Variants in AFG1L observed in about 807,000 individuals in gnomAD.
AFG1L encodes the protein AFG1 like ATPase.
A neutral mutation model predicts 62.2 loss-of-function variants in AFG1L; 53 were observed. The observed-to-expected ratio is 0.85, with a 90% CI of 0.68 to 1.07. The LOEUF (loss-of-function observed/expected upper bound fraction) is 1.07, where lower values mean the gene tolerates loss of function less well. Ranked by LOEUF, AFG1L falls within the 50% of genes least tolerant of loss-of-function variation. The probability of loss-of-function intolerance (pLI) is 0.00; values close to 1 mark genes in which losing one functional copy is unlikely to be tolerated. For synonymous variants in AFG1L, 228 were observed against 210.3 expected, an observed-to-expected ratio of 1.08 and a Z score of -0.73; for missense variants, 555 against 590.5, an observed-to-expected ratio of 0.94 and a Z score of 0.62.
At chr6:108,510,456 C>CA in intron 11 of AFG1L, 104 bp downstream of exon 11, 1 of 771,402 alleles carries the variant, frequency 1.3e-6, no homozygotes. Context: ...ACTTACTGCA[C>CA]CTCTTTGTGC....
intron 8 of AFG1L, among the ~76,000 whole-genome samples, chr6:108,455,120 G>A (rs1414510372): frequency 6.6e-6 from 1 of 152,128 alleles, no homozygotes; most frequent in African/African-American, 2.4e-5. Flanking sequence ...TAGCATCATG[G>A]CACAGAAGAA....
At chr6:108,517,151 A>G (rs1222108471) in intron 11 of AFG1L, among the ~76,000 whole-genome samples, 1 of 152,210 alleles carries the variant, frequency 6.6e-6, no homozygotes, top group East Asian at 1.9e-4. Context: ...GGCAAAAACT[A>G]CTTTAAAGTT....
chr6:108,465,584 T>G (rs1396391663), intron 8 of AFG1L, among the ~76,000 whole-genome samples: 1 of 152,140 alleles, frequency 6.6e-6, no homozygotes, highest in African/African-American at 2.4e-5. Context: ...ATTTTTAGTG[T>G]AAGGCAATGT....
chr6:108,477,021 G>A (rs921163608), intron 9 of AFG1L, 86 bp downstream of exon 9: 1 of 1,239,236 alleles, frequency 8.1e-7, no homozygotes, highest in Non-Finnish European at 1.2e-6. Flanking sequence ...TTCCATTGCT[G>A]TATATGGGTT....
At chr6:108,301,947 T>A (rs1582553343) in intron 1 of AFG1L, among the ~76,000 whole-genome samples, 1 of 134,382 alleles carries the variant, frequency 7.4e-6, no homozygotes, top group South Asian at 2.4e-4. Context: ...TGAGACTAGA[T>A]TTTTTTTTTT....
Position 108,344,693 on chromosome 6 carries a change from A to C in AFG1L, c.364-2295A>C, listed in dbSNP as rs543903451. The C allele has an allele frequency of 2.1e-4, 97 of 470,580 alleles. No homozygotes were observed. In the East Asian group the frequency reaches 6.5e-3, roughly 32 times the overall value. 29.2% of individuals were successfully genotyped at this position (470,580 alleles called of 1,614,324 possible). ...TTATTGACCACTCCGGTTGATGCTAAGTGGCATAATCTTCACTTTTTTCTG... is the reference window on the plus strand; with the variant it reads ...TTATTGACCACTCCGGTTGATGCTACGTGGCATAATCTTCACTTTTTTCTG... On this transcript the variant is annotated intron_variant, in intron 2 of 12. Coordinates refer to ENST00000368977, the MANE Select transcript of AFG1L (RefSeq NM_145315.5).
intron 1 of AFG1L, among the ~76,000 whole-genome samples, chr6:108,313,986 G>A (rs1777502958): frequency 6.6e-6 from 1 of 152,140 alleles, no homozygotes; most frequent in Admixed American, 6.5e-5. Context: ...AGGCCAAGGC[G>A]AGTGGATCAC....
chr6:108,351,990 T>C (rs1180377208), intron 3 of AFG1L, among the ~76,000 whole-genome samples: 1 of 152,212 alleles, frequency 6.6e-6, no homozygotes, highest in African/African-American at 2.4e-5. Flanking sequence ...CTTTTAAACA[T>C]TTTCAGTGTA....
At chr6:108,312,947 GTTC>G (rs1777467823) in intron 1 of AFG1L, among the ~76,000 whole-genome samples, 1 of 152,112 alleles carries the variant, frequency 6.6e-6, no homozygotes, top group Admixed American at 6.5e-5. Context: ...TTCCTCTCAT[GTTC>G]TTAAGATGCA....
intron 10 of AFG1L, among the ~76,000 whole-genome samples, chr6:108,483,875 G>A (rs934972171): frequency 3.3e-5 from 5 of 152,088 alleles, no homozygotes; most frequent in Non-Finnish European, 5.9e-5. Context: ...TCATATTAGT[G>A]TATATATCCT....
intron 2 of AFG1L, among the ~76,000 whole-genome samples, chr6:108,338,175 C>A (rs1381152125): frequency 2.6e-5 from 4 of 152,112 alleles, no homozygotes; most frequent in African/African-American, 9.7e-5. Flanking sequence ...AACAGAGCGA[C>A]ACCTTGTCTC....
chr6:108,296,729 A>C (rs561212988), intron 1 of AFG1L, among the ~76,000 whole-genome samples: 1 of 152,360 alleles, frequency 6.6e-6, no homozygotes, highest in East Asian at 1.9e-4. Flanking sequence ...AGTTTTAAAA[A>C]TAGTATTCCA....
chr6:108,437,147 A>T (rs1235336805), intron 7 of AFG1L, among the ~76,000 whole-genome samples: 1 of 152,162 alleles, frequency 6.6e-6, no homozygotes, highest in African/African-American at 2.4e-5. Flanking sequence ...CTACCTCCTA[A>T]TATCACACTG....
At chr6:108,376,048 A>T (rs937482349) in intron 6 of AFG1L, among the ~76,000 whole-genome samples, 3 of 152,066 alleles carry the variant, frequency 2.0e-5, no homozygotes, top group African/African-American at 7.2e-5. Context: ...GGGAGATTGT[A>T]TGTTTCCAGG....
In AFG1L at chr6:108,459,330, T is replaced by G. The variant is rs543533008; in HGVS notation, c.890+12034T>G. ...CAGCCTCCTAAATGCTGAGTGTATT[T>G]GTGTCCCTATTCCTGAAGTCTGGAA... On this transcript the variant is annotated intron_variant, in intron 8 of 12. Transcript: ENST00000368977. Among the ~76,000 whole-genome samples, 4 of 152,348 alleles carry G rather than the reference T, an allele frequency of 2.6e-5. No homozygotes were observed. In the South Asian group the frequency reaches 8.3e-4, roughly 32 times the overall value.
At chr6:108,505,395 T>C (rs1464911223) in intron 10 of AFG1L, among the ~76,000 whole-genome samples, 2 of 152,160 alleles carry the variant, frequency 1.3e-5, no homozygotes, top group African/African-American at 4.8e-5. Flanking sequence ...CCCAGCCAGA[T>C]TTTTTTCTAT....
At chr6:108,473,204 C>T (rs908466441) in intron 8 of AFG1L, among the ~76,000 whole-genome samples, 1 of 152,104 alleles carries the variant, frequency 6.6e-6, no homozygotes, top group Non-Finnish European at 1.5e-5. Flanking sequence ...TGATATTTCA[C>T]ATGTAATTTC....
chr6:108,455,517 CCTTT>C (rs1772221321), intron 8 of AFG1L, among the ~76,000 whole-genome samples: 1 of 151,958 alleles, frequency 6.6e-6, no homozygotes, highest in African/African-American at 2.4e-5. Context: ...TTCATTATTT[CCTTT>C]CTTCTGCTTA....
At chr6:108,417,324 G>T (rs1324166739) in intron 7 of AFG1L, among the ~76,000 whole-genome samples, 2 of 151,470 alleles carry the variant, frequency 1.3e-5, no homozygotes, top group Non-Finnish European at 2.9e-5. Context: ...AAGAAAAGGG[G>T]CCCTGACCCA....
Sources: allele counts gnomAD v4.1 joint callset (sites outside exome capture counted in the v4.1 genomes callset), GRCh38; gene constraint gnomAD v4.1.1; transcripts MANE v1.5; gene names NCBI Gene and HGNC (gene_info 2026-07-23, HGNC 2026-07-21).